Variants in IL15RA observed in about 807,000 individuals in gnomAD.
The protein encoded by IL15RA is interleukin 15 receptor subunit alpha.
In IL15RA, 26 loss-of-function variants were observed where a neutral mutation model predicts 24.2. The observed-to-expected ratio is 1.07, with a 90% CI of 0.79 to 1.49. IL15RA has a LOEUF of 1.49. Ranked by LOEUF, IL15RA falls within the 40% of genes most tolerant of loss-of-function variation. The pLI is 0.00. For missense variants in IL15RA, 354 were observed against 356.4 expected (o/e 0.99, Z 0.05); for synonymous variants, 166 against 157.6 (o/e 1.05, Z -0.40).
Position 5,959,674 on chromosome 10 carries a change from G to A in IL15RA, c.616+80C>T, listed in dbSNP as rs1159404160. ...CTGTCAGGGCTGTGCTGGGGCAGCGGGCCTGGGCCAGGACCACCCAGCACC... is the reference window on the plus strand; with the variant it reads ...CTGTCAGGGCTGTGCTGGGGCAGCGAGCCTGGGCCAGGACCACCCAGCACC... On this transcript the variant is annotated intron_variant, in intron 5 of 6. Transcript: ENST00000379977. This position sits in a 1 kb window ranked among gnomAD's most constrained non-coding sequence, Gnocchi z 4.1. 2.3e-6 allele frequency: 3 copies of A among 1,280,328 alleles called. No homozygotes were observed. The highest frequency in any genetic ancestry group is 3.4e-6 in the Non-Finnish European group (3 of 879,434). The allele number at this position is 1,280,328 out of a possible 1,614,324, so 79.3% of individuals were successfully genotyped here. A position where few individuals can be genotyped will look rare whatever the true frequency, so the allele number is the denominator to read the frequency against.
chr10:5,955,173 C>T lies in IL15RA; in HGVS notation c.692+1206G>A, dbSNP rs7087996. Among the ~76,000 whole-genome samples, 613 of 150,580 alleles carry T rather than the reference C, an allele frequency of 4.1e-3. 4 individuals are homozygous for T. Among genetic ancestry groups the T allele is most frequent in the African/African-American group, 0.014 (581 of 40,932 alleles). On this transcript the variant is annotated intron_variant, in intron 6 of 6. Transcript: ENST00000379977. The surrounding 1 kb of genome is among the most constrained non-coding windows in gnomAD (Gnocchi z 5.3). ...GGAGTGCAATGGTGTGATCTTGGCT[C>T]ACTGCAACCTCCGCCTCCCTGGTTC...
Position 5,963,828 on chromosome 10 carries a change from C to G in IL15RA, c.297G>C (p.Leu99=). 4.5e-6 allele frequency: 7 copies of G among 1,554,224 alleles called. No homozygotes were observed. The highest frequency in any genetic ancestry group is 6.0e-6 in the Non-Finnish European group (7 of 1,158,664). The change falls in exon 3 of 7, where the codon CTG becomes CTC. Residue 99 remains leucine, a synonymous_variant. Coordinates refer to ENST00000379977, the MANE Select transcript of IL15RA (RefSeq NM_002189.4). This position sits in a 1 kb window ranked among gnomAD's most constrained non-coding sequence, Gnocchi z 5.3. ...PSLKCIRDPA[L]VHQRPAPPST... ...AGGGTGGCGCTGGCCTTTGGTGAAC[C>G]AGGGCAGGGTCTCCTAGAGAGAGGA...
downstream of IL15RA, among the ~76,000 whole-genome samples, chr10:5,951,545 G>A (rs1458395473): frequency 6.6e-6 from 1 of 152,184 alleles, no homozygotes; most frequent in Non-Finnish European, 1.5e-5. Context: ...AAAAATTTTG[G>A]CTGGGCGCCG....
chr10:5,976,752 C>T (rs1034406148), intron 1 of IL15RA, among the ~76,000 whole-genome samples: 12 of 152,080 alleles, frequency 7.9e-5, no homozygotes, highest in Non-Finnish European at 1.8e-4. Flanking sequence ...GATCTCTTCC[C>T]CCTTTTTCTG....
At chr10:5,977,785 G>T, upstream of IL15RA, 1 of 529,092 alleles carries the variant, frequency 1.9e-6, no homozygotes, top group Non-Finnish European at 2.9e-6. Flanking sequence ...ACCCACGCAA[G>T]CCCGGGAGCC....
chr10:5,952,848 C>G lies in IL15RA; in HGVS notation c.*247G>C, dbSNP rs1833999363. ...TCCTGCTCAGAAGCCTTTGGTCTCT[C>G]CTGGGAAGCTGGGCCCTGGGTCCAA... On this transcript the variant is annotated 3_prime_UTR_variant, in exon 7 of 7. Transcript: ENST00000379977. The G allele has an allele frequency of 1.7e-6, 1 of 589,054 alleles. No individual in the cohort carries two copies. 36.5% of individuals were successfully genotyped at this position (589,054 alleles called of 1,614,324 possible). A position where few individuals can be genotyped will look rare whatever the true frequency, so the allele number is the denominator to read the frequency against.
chr10:5,952,668 A>AC lies in IL15RA; in HGVS notation c.*426dup. The AC allele has an allele frequency of 5.1e-6, 1 of 197,504 alleles. No homozygotes were observed. Among genetic ancestry groups the AC allele is most frequent in the East Asian group, 1.3e-4 (1 of 7,700 alleles). 12.2% of individuals were successfully genotyped at this position (197,504 alleles called of 1,614,324 possible). A position where few individuals can be genotyped will look rare whatever the true frequency, so the allele number is the denominator to read the frequency against. ...GGTGTCTTCCCTGTAGACGTCTCCC[A>AC]CGCCAGGAGAAGCCTTGTAATTGAC... On this transcript the variant is annotated 3_prime_UTR_variant, in exon 7 of 7. Coordinates refer to ENST00000379977, the MANE Select transcript of IL15RA (RefSeq NM_002189.4).
At chr10:5,969,975 G>A (rs1837315519) in intron 1 of IL15RA, among the ~76,000 whole-genome samples, 1 of 152,064 alleles carries the variant, frequency 6.6e-6, no homozygotes, top group African/African-American at 2.4e-5. Flanking sequence ...ATTGTTTGTT[G>A]CTAGTATTTT....
In IL15RA at chr10:5,963,685, C is replaced by T. The variant is rs576241814; in HGVS notation, c.382+58G>A. On this transcript the variant is annotated intron_variant, in intron 3 of 6. Transcript: ENST00000379977. This position sits in a 1 kb window ranked among gnomAD's most constrained non-coding sequence, Gnocchi z 5.3. ...TCCGTGAGTCTGCAGGATTGGTGAG[C>T]GGGCCTCTGGGTGTTGGGAGGGAAT... The T allele has an allele frequency of 1.2e-5, 13 of 1,091,618 alleles. No homozygotes were observed. Among genetic ancestry groups the T allele is most frequent in the South Asian group, 7.2e-5 (4 of 55,478 alleles). 67.6% of individuals were successfully genotyped at this position (1,091,618 alleles called of 1,614,324 possible). A position where few individuals can be genotyped will look rare whatever the true frequency, so the allele number is the denominator to read the frequency against.
intron 1 of IL15RA, among the ~76,000 whole-genome samples, chr10:5,969,731 C>A (rs1000644135): frequency 6.6e-6 from 1 of 152,148 alleles, no homozygotes; most frequent in African/African-American, 2.4e-5. Flanking sequence ...GATTGGAATT[C>A]ATTAAATTTA....
chr10:5,977,188 GC>G, intron 1 of IL15RA: 1 of 349,370 alleles, frequency 2.9e-6, no homozygotes, highest in Non-Finnish European at 5.1e-6. Flanking sequence ...TGACCCGGGC[GC>G]AGCGGCGGCG....
rs1835405922 is a variant in IL15RA, at chr10:5,960,934, G to A, written c.383-367C>T. On this transcript the variant is annotated intron_variant, in intron 3 of 6. Coordinates refer to ENST00000379977, the MANE Select transcript of IL15RA (RefSeq NM_002189.4). The surrounding 1 kb of genome is among the most constrained non-coding windows in gnomAD (Gnocchi z 5.1). ...CTGTTTCTTTTCCTTCTTTTTTTGA[G>A]ATGGAATCTTGCTCTGTTGCCAAGG... Among the ~76,000 whole-genome samples, 1 of 152,004 alleles carries A rather than the reference G, an allele frequency of 6.6e-6. No individual in the cohort carries two copies. Among genetic ancestry groups the A allele is most frequent in the Non-Finnish European group, 1.5e-5 (1 of 67,994 alleles).
chr10:5,963,883 TG>T lies in IL15RA; in HGVS notation c.284-43del. 1 of 1,320,958 alleles carries T rather than the reference TG, an allele frequency of 7.6e-7. No homozygotes were observed. The highest frequency in any genetic ancestry group is 1.0e-6 in the Non-Finnish European group (1 of 959,076). The allele number at this position is 1,320,958 out of a possible 1,614,324, so 81.8% of individuals were successfully genotyped here. ...CACATGGCACTTATGATCCTGAGCCTGGAACCTGGGCTGGCTTCAGAACGGG... is the reference window on the plus strand; with the variant it reads ...CACATGGCACTTATGATCCTGAGCCTGAACCTGGGCTGGCTTCAGAACGGG... On this transcript the variant is annotated intron_variant, in intron 2 of 6. Coordinates refer to ENST00000379977, the MANE Select transcript of IL15RA (RefSeq NM_002189.4). This position sits in a 1 kb window ranked among gnomAD's most constrained non-coding sequence, Gnocchi z 5.3.
At chr10:5,976,297 G>T (rs941973130) in intron 1 of IL15RA, among the ~76,000 whole-genome samples, 2 of 152,066 alleles carry the variant, frequency 1.3e-5, no homozygotes, top group African/African-American at 4.8e-5. Context: ...AGGGTGGGGG[G>T]GCGTTCAGGC....
Position 5,977,497 on chromosome 10 carries a change from G to A in IL15RA, c.-5C>T, listed in dbSNP as rs887201402. ...GCGCGCCCGCCGCGGGGCCATGGCG[G>A]CAGCTCCACAGGACACCGCTGGACT... On this transcript the variant is annotated 5_prime_UTR_variant, in exon 1 of 7. Transcript: ENST00000379977. 33 of 1,350,964 alleles carry A rather than the reference G, an allele frequency of 2.4e-5. No homozygotes were observed. The highest frequency in any genetic ancestry group is 5.4e-4 in the Middle Eastern group (2 of 3,714). 83.7% of individuals were successfully genotyped at this position (1,350,964 alleles called of 1,614,324 possible). A position where few individuals can be genotyped will look rare whatever the true frequency, so the allele number is the denominator to read the frequency against.
rs1413161381 is a variant in IL15RA at position 5,973,809 on chromosome 10, AAATT to A, written c.88+3592_88+3595del. Among the ~76,000 whole-genome samples the A allele has an allele frequency of 6.6e-6, 1 of 152,220 alleles. No homozygotes were observed. Among genetic ancestry groups the A allele is most frequent in the East Asian group, 1.9e-4 (1 of 5,204 alleles). ...CCAAAAGCCCAAAACACAACATAAC[AAATT>A]AATAAATTAGACTTCATAAAAATTA... On this transcript the variant is annotated intron_variant, in intron 1 of 6. Transcript: ENST00000379977. This position sits in a 1 kb window ranked among gnomAD's most constrained non-coding sequence, Gnocchi z 4.5.
In IL15RA at chr10:5,953,202, T is replaced by C; in HGVS notation, c.697A>G (p.Thr233Ala). The C allele has an allele frequency of 6.2e-7, 1 of 1,613,082 alleles. No homozygotes were observed. The highest frequency in any genetic ancestry group is 8.5e-7 in the Non-Finnish European group (1 of 1,179,228). ...LLACYLKSRQTPPLASVEMEA... is the reference protein window; with the variant it reads ...LLACYLKSRQAPPLASVEMEA... ...ATTTCAACGCTGGCCAGCGGGGGAGTTTGCCTGCAAAGCAGGTGGTTCATA... is the reference window on the plus strand; with the variant it reads ...ATTTCAACGCTGGCCAGCGGGGGAGCTTGCCTGCAAAGCAGGTGGTTCATA... The change falls in exon 7 of 7, where the codon ACT (threonine) becomes GCT (alanine). Residue 233 changes from threonine (T) to alanine (A), a missense_variant. Physicochemically the swap from Thr to Ala is moderately conservative, Grantham distance 58. Transcript: ENST00000379977. This position sits in a 1 kb window ranked among gnomAD's most constrained non-coding sequence, Gnocchi z 5.3.
At position 5,965,282 on chromosome 10, in the gene IL15RA, C is replaced by G. The variant is rs1317452465; in HGVS notation, c.283+863G>C. ...CCTCACCCCTGCTGGACACCATGCA[C>G]AGGTGACTGAGCAAAGGGCAGCCCT... On this transcript the variant is annotated intron_variant, in intron 2 of 6. Transcript: ENST00000379977. The surrounding 1 kb of genome is among the most constrained non-coding windows in gnomAD (Gnocchi z 5.8). Among the ~76,000 whole-genome samples the G allele has an allele frequency of 6.6e-6, 1 of 152,146 alleles. No individual in the cohort carries two copies. The highest frequency in any genetic ancestry group is 1.5e-5 in the Non-Finnish European group (1 of 68,026).
Position 5,962,768 on chromosome 10 carries a change from G to A in IL15RA, c.382+975C>T, listed in dbSNP as rs574883060. On this transcript the variant is annotated intron_variant, in intron 3 of 6. Transcript: ENST00000379977. The surrounding 1 kb of genome is among the most constrained non-coding windows in gnomAD (Gnocchi z 5.2). ...TGACAACAGACAGGCCCATCCCCCC[G>A]GGGGCAAAGGAGTAGACAGGACCAG... Among the ~76,000 whole-genome samples, 14 of 152,170 alleles carry A rather than the reference G, an allele frequency of 9.2e-5. No homozygotes were observed. Among genetic ancestry groups the A allele is most frequent in the South Asian group, 6.2e-4 (3 of 4,816 alleles).
Sources: gnomAD v4.1 joint callset for allele counts (sites outside exome capture counted in the v4.1 genomes callset) on GRCh38, gnomAD v4.1.1 for gene constraint, Gnocchi (gnomAD v3.1) non-coding constraint, MANE v1.5 for transcripts, NCBI Gene and HGNC (gene_info 2026-07-23, HGNC 2026-07-21) for gene names.